PCDH11X: variants seen among roughly 807,000 people sequenced by gnomAD.
The protein encoded by PCDH11X is protocadherin-11 X-linked.
In PCDH11X, 18 loss-of-function variants were observed where a neutral mutation model predicts 53.3. The observed-to-expected ratio is 0.34, with a 90% confidence interval of 0.23 to 0.50. PCDH11X has a LOEUF of 0.50. Among genes scored for constraint, PCDH11X ranks in the 20% least tolerant of loss-of-function variants. The pLI is 0.98. For missense variants in PCDH11X, 570 were observed against 1,032.4 expected, an observed-to-expected ratio of 0.55 and a Z score of 6.14; for synonymous variants, 279 against 393.3, an observed-to-expected ratio of 0.71 and a Z score of 3.44.
rs1042398758 is a variant in PCDH11X at position 92,394,585 on chromosome X, A to ATTT, written c.3343+6654_3343+6656dup. ...TAATTTATGAGCCATGAGGCGATTCATTTTATGACAACATTCTTTCTTCTG... is the reference window on the plus strand; with the variant it reads ...TAATTTATGAGCCATGAGGCGATTCATTTTTTTATGACAACATTCTTTCTTCTG... On this transcript the variant is annotated intron_variant, in intron 9 of 10. Transcript: ENST00000682573. Among the ~76,000 whole-genome samples, 4 of 111,052 alleles carry ATTT rather than the reference A, an allele frequency of 3.6e-5. No homozygotes were observed. In the Admixed American group the frequency reaches 3.8e-4, roughly 11 times the overall value.
chrX:92,582,372 C>A (rs1057251158), intron 10 of PCDH11X, among the ~76,000 whole-genome samples: 1 of 110,604 alleles, frequency 9.0e-6, no homozygotes, highest in Non-Finnish European at 1.9e-5. Context: ...CTCTAGCCAT[C>A]GCTAAAAGGG....
At chrX:92,430,401 C>A (rs1569485423) in intron 9 of PCDH11X, among the ~76,000 whole-genome samples, 2 of 90,967 alleles carry the variant, frequency 2.2e-5, no homozygotes, top group Admixed American at 1.1e-4. Context: ...ATGAATTTTA[C>A]TTTATGGTGT....
intron 8 of PCDH11X, among the ~76,000 whole-genome samples, chrX:92,331,670 A>G (rs2069493242): frequency 1.8e-5 from 2 of 111,074 alleles, no homozygotes; most frequent in South Asian, 3.8e-4. Flanking sequence ...ATATACCATA[A>G]TAGATTGGGG....
chrX:92,194,558 A>G, intron 6 of PCDH11X, among the ~76,000 whole-genome samples: 1 of 111,919 alleles, frequency 8.9e-6, no homozygotes, highest in Middle Eastern at 4.2e-3. Context: ...AAGAGTATGC[A>G]TTTTTAAAGT....
At chrX:92,449,414 A>G (rs1301460709) in intron 9 of PCDH11X, among the ~76,000 whole-genome samples, 1 of 111,911 alleles carries the variant, frequency 8.9e-6, no homozygotes, top group Admixed American at 9.5e-5. Flanking sequence ...AGACCAAGAA[A>G]CATCAAGCAA....
In PCDH11X at chrX:92,466,237, A is replaced by G. The variant is rs182010991; in HGVS notation, c.3344-2062A>G. On this transcript the variant is annotated intron_variant, in intron 9 of 10. Transcript: ENST00000682573. ...GTTTCAGTCATAATGATTCACATAG[A>G]CTATAGTATTTCAGATGACAAGGAC... 2.8e-4 allele frequency among the ~76,000 whole-genome samples: 31 copies of G among 110,958 alleles called. No homozygotes were observed. The East Asian group carries it at 7.3e-3, about 26-fold the overall frequency.
chrX:92,560,975 C>T (rs2075123408), intron 10 of PCDH11X, among the ~76,000 whole-genome samples: 1 of 103,881 alleles, frequency 9.6e-6, no homozygotes, highest in East Asian at 3.1e-4. Flanking sequence ...ACATCCCCGG[C>T]CTCACATGGC....
intron 1 of PCDH11X, among the ~76,000 whole-genome samples, chrX:91,781,815 G>C (rs1935155138): frequency 8.9e-6 from 1 of 112,384 alleles, no homozygotes; most frequent in Admixed American, 9.3e-5. Flanking sequence ...GGGCGGTCTT[G>C]ACGAAAGAAC....
At position 92,119,523 on chromosome X, in the gene PCDH11X, C is replaced by T. The variant is rs373437745; in HGVS notation, c.3034-81852C>T. On this transcript the variant is annotated intron_variant, in intron 6 of 10. Coordinates refer to ENST00000682573, the MANE Select transcript of PCDH11X (RefSeq NM_032968.5). ...TACATTATTGGGTATAGATATTCCA[C>T]ATTAACCAAAAGTACTTTATTAGAA... is the stretch of plus-strand genomic sequence containing the variant. 1.1e-4 allele frequency among the ~76,000 whole-genome samples: 12 copies of T among 111,006 alleles called. No homozygotes were observed. The East Asian group carries it at 2.3e-3, about 21-fold the overall frequency.
intron 8 of PCDH11X, among the ~76,000 whole-genome samples, chrX:92,367,353 T>C (rs1198983206): frequency 1.8e-5 from 2 of 111,471 alleles, no homozygotes; most frequent in Non-Finnish European, 3.8e-5. Context: ...GCTTGGTAAA[T>C]CTTCTTCCAT....
At chrX:91,782,175 GC>G (rs938279536) in intron 1 of PCDH11X, among the ~76,000 whole-genome samples, 15 of 111,983 alleles carry the variant, frequency 1.3e-4, no homozygotes, top group South Asian at 3.7e-4. Context: ...CCGGCTCGCA[GC>G]CCCCCCCTTC....
chrX:92,285,040 A>G (rs1214312832), intron 8 of PCDH11X, among the ~76,000 whole-genome samples: 2 of 110,836 alleles, frequency 1.8e-5, no homozygotes, highest in African/African-American at 6.6e-5. Flanking sequence ...GATGGAATAC[A>G]TGCAATCTAT....
At chrX:91,922,798 C>T (rs1941794262) in intron 6 of PCDH11X, among the ~76,000 whole-genome samples, 1 of 111,422 alleles carries the variant, frequency 9.0e-6, no homozygotes, top group Non-Finnish European at 1.9e-5. Flanking sequence ...CCCCTGCTTT[C>T]AATAACAGAA....
chrX:91,832,299 A>T (rs1937135936), intron 4 of PCDH11X, among the ~76,000 whole-genome samples: 1 of 110,231 alleles, frequency 9.1e-6, no homozygotes, highest in Admixed American at 9.8e-5. Flanking sequence ...TACACCATGG[A>T]ATACTATGCA....
chrX:91,923,987 C>T (rs1468679998), intron 6 of PCDH11X, among the ~76,000 whole-genome samples: 1 of 108,679 alleles, frequency 9.2e-6, no homozygotes, highest in Non-Finnish European at 1.9e-5. Flanking sequence ...ACACAATATT[C>T]CCGTGTAACA....
chrX:92,518,748 A>ATTTTT (rs762759156), intron 10 of PCDH11X, among the ~76,000 whole-genome samples: 3 of 59,439 alleles, frequency 5.0e-5, no homozygotes, highest in African/African-American at 6.9e-5. Context: ...TACCAATAAA[A>ATTTTT]TTTTTTTTTT....
intron 9 of PCDH11X, among the ~76,000 whole-genome samples, chrX:92,407,956 G>A (rs1280657832): frequency 3.7e-5 from 4 of 108,903 alleles, no homozygotes; most frequent in African/African-American, 1.3e-4. Context: ...CATAATCTCG[G>A]CTCACTGAAA....
At chrX:92,578,000 A>C (rs1299170442) in intron 10 of PCDH11X, among the ~76,000 whole-genome samples, 1 of 108,710 alleles carries the variant, frequency 9.2e-6, no homozygotes, top group Non-Finnish European at 1.9e-5. Flanking sequence ...CAAAGAATGC[A>C]TATTCTGTTG....
chrX:91,852,893 AT>A (rs1327572207), intron 5 of PCDH11X, among the ~76,000 whole-genome samples: 21 of 102,753 alleles, frequency 2.0e-4, no homozygotes, highest in Middle Eastern at 9.9e-3. Context: ...ATAAGAGAGG[AT>A]TTTGTATTTT....
Sources: allele counts gnomAD v4.1 joint callset (sites outside exome capture counted in the v4.1 genomes callset), GRCh38; gene constraint gnomAD v4.1.1; transcripts MANE v1.5; gene names NCBI Gene and HGNC (gene_info 2026-07-23, HGNC 2026-07-21).